Variants in RIN2 observed in about 807,000 individuals in gnomAD.
RIN2 encodes the protein Ras and Rab interactor 2.
In RIN2, 36 loss-of-function variants were observed where a neutral mutation model predicts 78.0. That is an observed-to-expected ratio of 0.46 (90% CI 0.35 to 0.61). RIN2 has a LOEUF of 0.61. Among genes scored for constraint, RIN2 ranks in the 20% least tolerant of loss-of-function variants. The pLI, the probability that RIN2 is intolerant of heterozygous loss-of-function variation, is 0.00. For missense variants in RIN2, 1,087 were observed against 1,159.7 expected, an observed-to-expected ratio of 0.94 and a Z score of 0.91; for synonymous variants, 466 against 466.8, an observed-to-expected ratio of 1.00 and a Z score of 0.02.
intron 3 of RIN2, among the ~76,000 whole-genome samples, chr20:19,902,105 C>T (rs2039015068): frequency 6.6e-6 from 1 of 151,838 alleles, no homozygotes; most frequent in Admixed American, 6.6e-5. Flanking sequence ...CTTATTTAAT[C>T]CTCACAATAT....
At chr20:19,936,524 C>T (rs186712707) in intron 4 of RIN2, among the ~76,000 whole-genome samples, 4 of 152,128 alleles carry the variant, frequency 2.6e-5, no homozygotes, top group Admixed American at 1.3e-4. Context: ...CCAGGAAAGG[C>T]GGCTCTGTGA....
intron 2 of RIN2, among the ~76,000 whole-genome samples, chr20:19,844,698 CTCTTCTTCT>C (rs869169793): frequency 2.6e-3 from 68 of 26,332 alleles, no homozygotes; most frequent in East Asian, 0.012. Flanking sequence ...CTTCCTCTTC[CTCTTCTTCT>C]TCTTCTTCTT....
intron 2 of RIN2, among the ~76,000 whole-genome samples, chr20:19,804,888 G>C (rs1471037930): frequency 1.3e-5 from 2 of 152,034 alleles, no homozygotes; most frequent in Non-Finnish European, 2.9e-5. Flanking sequence ...TGGTTGGTAG[G>C]CTATTTATGA....
At chr20:19,807,658 C>T (rs1484647368) in intron 2 of RIN2, among the ~76,000 whole-genome samples, 1 of 152,158 alleles carries the variant, frequency 6.6e-6, no homozygotes, top group East Asian at 1.9e-4. Context: ...ATTCAGCACA[C>T]ACCAGTTGCC....
intron 1 of RIN2, among the ~76,000 whole-genome samples, chr20:19,776,063 CT>C (rs1353518168): frequency 4.0e-5 from 6 of 151,270 alleles, no homozygotes; most frequent in Non-Finnish European, 1.5e-5. Context: ...TTTTCATTTC[CT>C]TGGTATGTAA....
At chr20:19,980,059 A>AC (rs950758268) in intron 9 of RIN2, among the ~76,000 whole-genome samples, 4 of 151,286 alleles carry the variant, frequency 2.6e-5, no homozygotes, top group African/African-American at 9.7e-5. Context: ...AAAAAAAAAA[A>AC]AAAAAAACTC....
At chr20:19,802,567 T>C (rs2035276589) in intron 2 of RIN2, among the ~76,000 whole-genome samples, 1 of 151,630 alleles carries the variant, frequency 6.6e-6, no homozygotes, top group Admixed American at 6.6e-5. Flanking sequence ...AGTGAGGCTG[T>C]GTTATAGAAA....
intron 2 of RIN2, among the ~76,000 whole-genome samples, chr20:19,887,370 G>A (rs143107028): frequency 1.3e-5 from 2 of 152,138 alleles, no homozygotes; most frequent in African/African-American, 4.8e-5. Context: ...AATAAGCTAT[G>A]TACTGTCTGC....
At chr20:19,970,454 A>G (rs2042068758) in intron 7 of RIN2, among the ~76,000 whole-genome samples, 1 of 152,246 alleles carries the variant, frequency 6.6e-6, no homozygotes, top group Non-Finnish European at 1.5e-5. Context: ...ATTCCTGCCC[A>G]GGCAGTTTCG....
intron 1 of RIN2, among the ~76,000 whole-genome samples, chr20:19,794,599 C>G (rs1202131953): frequency 6.7e-6 from 1 of 149,540 alleles, no homozygotes; most frequent in Admixed American, 6.7e-5. Flanking sequence ...TTCATATGAA[C>G]CTTCTAGATG....
At chr20:19,914,943 C>G (rs1015936530) in intron 3 of RIN2, among the ~76,000 whole-genome samples, 19 of 152,102 alleles carry the variant, frequency 1.2e-4, no homozygotes, top group Non-Finnish European at 2.4e-4. Context: ...TCACTACAAC[C>G]TCAATGAGAG....
chr20:19,940,763 C>T (rs981775727), intron 4 of RIN2, among the ~76,000 whole-genome samples: 2 of 152,240 alleles, frequency 1.3e-5, no homozygotes, highest in African/African-American at 4.8e-5. Context: ...GGAAGCAGGC[C>T]TCTTTTGGGT....
At chr20:19,784,780 T>C (rs997407376) in intron 1 of RIN2, among the ~76,000 whole-genome samples, 1 of 151,360 alleles carries the variant, frequency 6.6e-6, no homozygotes, top group African/African-American at 2.4e-5. Context: ...TAGCCCGGGG[T>C]GATGCAGCCC....
At chr20:19,991,026 G>C (rs974153807) in intron 10 of RIN2, among the ~76,000 whole-genome samples, 1 of 152,152 alleles carries the variant, frequency 6.6e-6, no homozygotes, top group African/African-American at 2.4e-5. Flanking sequence ...ATGGAGCCCT[G>C]CATTGTCCCA....
At position 19,810,202 on chromosome 20, in the gene RIN2, C is replaced by T. The variant is rs553969375; in HGVS notation, c.-37+10455C>T. On this transcript the variant is annotated intron_variant, in intron 2 of 12. Coordinates refer to ENST00000255006, the MANE Select transcript of RIN2 (RefSeq NM_018993.4). Reference sequence around the variant, plus strand: ...TTTCTTGAGGTCAGGAGTTCGAGACCAGCCTGGCCAACATGGCAAAACCCC... The same window carrying T: ...TTTCTTGAGGTCAGGAGTTCGAGACTAGCCTGGCCAACATGGCAAAACCCC... Among the ~76,000 whole-genome samples, 275 of 149,868 alleles carry T rather than the reference C, an allele frequency of 1.8e-3. 1 individual carries two copies. The highest frequency in any genetic ancestry group is 6.6e-3 in the African/African-American group (267 of 40,592).
intron 3 of RIN2, among the ~76,000 whole-genome samples, chr20:19,921,890 G>C (rs1162128535): frequency 6.6e-6 from 1 of 151,754 alleles, no homozygotes; most frequent in Non-Finnish European, 1.5e-5. Context: ...GTTTGTGACA[G>C]GGTCTCTCTC....
Position 19,830,985 on chromosome 20 carries a change from A to G in RIN2, c.-37+31238A>G, listed in dbSNP as rs925562179. ...CCGTGTCCACTCCTGCTTCCTTCCC[A>G]TTCCACAGGCACTGATCCCACGGGC... On this transcript the variant is annotated intron_variant, in intron 2 of 12. Coordinates refer to ENST00000255006, the MANE Select transcript of RIN2 (RefSeq NM_018993.4). Among the ~76,000 whole-genome samples, 34 of 152,062 alleles carry G rather than the reference A, an allele frequency of 2.2e-4. 1 individual carries two copies. The highest frequency in any genetic ancestry group is 2.6e-4 in the Admixed American group (4 of 15,272).
intron 8 of RIN2, among the ~76,000 whole-genome samples, chr20:19,972,143 A>T (rs563505308): frequency 3.1e-4 from 47 of 151,470 alleles, no homozygotes; most frequent in South Asian, 2.7e-3. Context: ...TACTGGTAAA[A>T]CTCTCGGGCC....
At chr20:19,773,352 A>C (rs2034202099) in intron 1 of RIN2, among the ~76,000 whole-genome samples, 3 of 152,222 alleles carry the variant, frequency 2.0e-5, no homozygotes. Flanking sequence ...GACACAATTC[A>C]ACCCATAACT....
Sources: allele counts gnomAD v4.1 joint callset (sites outside exome capture counted in the v4.1 genomes callset), GRCh38; gene constraint gnomAD v4.1.1; transcripts MANE v1.5; gene names NCBI Gene and HGNC (gene_info 2026-07-23, HGNC 2026-07-21).